Variants in ARHGEF26 observed in about 807,000 individuals in gnomAD.
ARHGEF26 encodes Rho guanine nucleotide exchange factor 26.
A neutral mutation model predicts 89.4 loss-of-function variants in ARHGEF26; 59 were observed. That is an observed-to-expected ratio of 0.66 (90% CI 0.54 to 0.82). ARHGEF26 has a LOEUF of 0.82. Among genes scored for constraint, ARHGEF26 ranks in the 40% least tolerant of loss-of-function variants. The pLI is 0.00. For missense variants in ARHGEF26, 1,234 were observed against 1,085.6 expected, an observed-to-expected ratio of 1.14 and a Z score of -1.92; for synonymous variants, 500 against 428.4, an observed-to-expected ratio of 1.17 and a Z score of -2.06.
intron 9 of ARHGEF26, among the ~76,000 whole-genome samples, chr3:154,196,048 A>G (rs1714269841): frequency 6.6e-6 from 1 of 151,230 alleles, no homozygotes; most frequent in Non-Finnish European, 1.5e-5. Flanking sequence ...ATAAAGTGGG[A>G]TAATGATTGA....
intron 11 of ARHGEF26, among the ~76,000 whole-genome samples, chr3:154,230,636 C>T (rs1278089570): frequency 6.6e-6 from 1 of 152,144 alleles, no homozygotes; most frequent in African/African-American, 2.4e-5. Flanking sequence ...AATCTAGCAT[C>T]AGAATCTGGG....
chr3:154,256,575 A>AAAAATT lies in ARHGEF26; in HGVS notation c.*1102_*1103insAAAATT. 3.8e-6 allele frequency: 3 copies of AAAAATT among 794,510 alleles called. No individual in the cohort carries two copies. Among genetic ancestry groups the AAAAATT allele is most frequent in the African/African-American group, 2.3e-5 (1 of 42,776 alleles). 49.2% of individuals were successfully genotyped at this position (794,510 alleles called of 1,614,324 possible). On this transcript the variant is annotated 3_prime_UTR_variant, in exon 15 of 15. Coordinates refer to ENST00000465093, the MANE Select transcript of ARHGEF26 (RefSeq NM_015595.4). Reference sequence around the variant, plus strand: ...AAAAAAAAAAAAAAAAAAAAAAAAAACCTTCCCAAATGAGCTGATAAAAAA... The same window carrying AAAAATT: ...AAAAAAAAAAAAAAAAAAAAAAAAAAAAAATTCCTTCCCAAATGAGCTGATAAAAAA...
intron 4 of ARHGEF26, among the ~76,000 whole-genome samples, chr3:154,140,684 G>C (rs921316): frequency 0.42 from 63,038 of 149,784 alleles, 14,365 homozygotes; most frequent in Non-Finnish European, 0.51. Flanking sequence ...TCCCATAAGC[G>C]ATTCTTCTGC....
At chr3:154,244,668 T>C (rs1163550131) in intron 12 of ARHGEF26, among the ~76,000 whole-genome samples, 2 of 151,820 alleles carry the variant, frequency 1.3e-5, no homozygotes, top group African/African-American at 4.8e-5. Flanking sequence ...TAATATTACA[T>C]AAAACAAAAT....
chr3:154,177,939 A>G lies in ARHGEF26; in HGVS notation c.1488-9746A>G, dbSNP rs570385312. ...CTTTATTGGCCAGGTACAGTGGCTC[A>G]CACCTGTAACAATCCCAGCACTTTG... is the stretch of plus-strand genomic sequence containing the variant. On this transcript the variant is annotated intron_variant, in intron 6 of 14. Transcript: ENST00000465093. Among the ~76,000 whole-genome samples, 8 of 152,280 alleles carry G rather than the reference A, an allele frequency of 5.3e-5. No homozygotes were observed. The South Asian group carries it at 1.7e-3, about 32-fold the overall frequency.
intron 4 of ARHGEF26, among the ~76,000 whole-genome samples, chr3:154,139,079 G>A (rs1323866876): frequency 2.6e-5 from 4 of 152,196 alleles, no homozygotes; most frequent in African/African-American, 7.2e-5. Context: ...GGTCCAGGAC[G>A]ATAGCTGGTG....
intron 9 of ARHGEF26, among the ~76,000 whole-genome samples, chr3:154,201,757 A>G (rs998921139): frequency 6.6e-6 from 1 of 152,210 alleles, no homozygotes; most frequent in Non-Finnish European, 1.5e-5. Context: ...ATAGCCAGTG[A>G]TGATGAGCAT....
At chr3:154,165,961 G>A (rs1028131120) in intron 6 of ARHGEF26, among the ~76,000 whole-genome samples, 1 of 152,128 alleles carries the variant, frequency 6.6e-6, no homozygotes, top group African/African-American at 2.4e-5. Context: ...TTAAATCAGG[G>A]TCTGGATGTA....
rs2108310189 is a variant in ARHGEF26 at position 154,255,875 on chromosome 3, C to T, written c.*402C>T. On this transcript the variant is annotated 3_prime_UTR_variant, in exon 15 of 15. Coordinates refer to ENST00000465093, the MANE Select transcript of ARHGEF26 (RefSeq NM_015595.4). The stretch of plus-strand genomic sequence containing the variant: ...CCTTGTATGGTTCTCCCAGTATTAG[C>T]AAGATTGTATATCTGTAAAGAATGT... 8 of 996,838 alleles carry T rather than the reference C, an allele frequency of 8.0e-6. No individual in the cohort carries two copies. The South Asian group carries it at 3.2e-4, about 40-fold the overall frequency. 61.7% of individuals were successfully genotyped at this position (996,838 alleles called of 1,614,324 possible).
At chr3:154,140,287 G>T (rs934772025) in intron 4 of ARHGEF26, among the ~76,000 whole-genome samples, 1 of 152,188 alleles carries the variant, frequency 6.6e-6, no homozygotes, top group Non-Finnish European at 1.5e-5. Context: ...ACAATGCCAC[G>T]AGGGTAAGTA....
chr3:154,159,716 G>A (rs1246529971), intron 6 of ARHGEF26, among the ~76,000 whole-genome samples: 1 of 151,940 alleles, frequency 6.6e-6, no homozygotes, highest in Non-Finnish European at 1.5e-5. Flanking sequence ...TATGAAATAC[G>A]TTTCTATTTG....
At chr3:154,171,356 A>C (rs1294252793) in intron 6 of ARHGEF26, among the ~76,000 whole-genome samples, 3 of 152,230 alleles carry the variant, frequency 2.0e-5, no homozygotes, top group East Asian at 3.8e-4. Flanking sequence ...TGATGAAGCT[A>C]CATTGACACA....
chr3:154,252,821 TATA>T (rs1374061897), intron 12 of ARHGEF26, among the ~76,000 whole-genome samples: 1 of 152,208 alleles, frequency 6.6e-6, no homozygotes, highest in African/African-American at 2.4e-5. Flanking sequence ...CTTTTGGAGT[TATA>T]ATGTGTTCGT....
At chr3:154,157,685 C>CG (rs71624546) in intron 6 of ARHGEF26, among the ~76,000 whole-genome samples, 2 of 151,658 alleles carry the variant, frequency 1.3e-5, no homozygotes, top group African/African-American at 4.8e-5. Context: ...GCTGAAAAGG[C>CG]GGGGTCCTCC....
intron 9 of ARHGEF26, among the ~76,000 whole-genome samples, chr3:154,201,665 G>C (rs1219870936): frequency 1.1e-4 from 17 of 150,652 alleles, no homozygotes; most frequent in Non-Finnish European, 1.5e-4. Context: ...TCCAGCACCT[G>C]TTGTTTCCTG....
At chr3:154,226,650 G>A (rs1267374301) in intron 11 of ARHGEF26, among the ~76,000 whole-genome samples, 1 of 115,688 alleles carries the variant, frequency 8.6e-6, no homozygotes, top group African/African-American at 3.4e-5. Flanking sequence ...CTGTCAGACT[G>A]TTTCTGTTCT....
At position 154,122,590 on chromosome 3, in the gene ARHGEF26, C is replaced by CG; in HGVS notation, c.603dup (p.Leu202AlafsTer59). The CG allele has an allele frequency of 6.2e-7, 1 of 1,613,642 alleles. No individual in the cohort carries two copies. Among genetic ancestry groups the CG allele is most frequent in the Non-Finnish European group, 8.5e-7 (1 of 1,179,872 alleles). On this transcript the variant is annotated frameshift_variant, in exon 2 of 15. Transcript: ENST00000465093. LOFTEE classifies it high-confidence loss of function. ...CGGCCGGAAGGCAAAGGACCCCGAA[C>CG]GGGGGCTCTTTCCTGGGCCCCAGAA...
rs151191757 is a variant in ARHGEF26 at position 154,126,167 on chromosome 3, G to C, written c.1123+1718G>C. Among the ~76,000 whole-genome samples, 80 of 152,270 alleles carry C rather than the reference G, an allele frequency of 5.3e-4. 1 individual carries two copies. In the East Asian group the frequency reaches 0.013, roughly 24 times the overall value. ...TCTGCTTTACATAGCATGACAATCA[G>C]AGACCAGTAAAATCTTGAATAGACT... On this transcript the variant is annotated intron_variant, in intron 3 of 14. Coordinates refer to ENST00000465093, the MANE Select transcript of ARHGEF26 (RefSeq NM_015595.4).
In ARHGEF26 at chr3:154,169,148, C is replaced by T. The variant is rs377181961; in HGVS notation, c.1487+16216C>T. On this transcript the variant is annotated intron_variant, in intron 6 of 14. Coordinates refer to ENST00000465093, the MANE Select transcript of ARHGEF26 (RefSeq NM_015595.4). ...CCTTACCCACAGTCACCCAAGCACT[C>T]GGAGTCTCAATGGGGGCCTGCACTC... Among the ~76,000 whole-genome samples, 5 of 152,182 alleles carry T rather than the reference C, an allele frequency of 3.3e-5. No homozygotes were observed. The South Asian group carries it at 1.0e-3, about 32-fold the overall frequency.
Sources: allele counts gnomAD v4.1 joint callset (sites outside exome capture counted in the v4.1 genomes callset), GRCh38; gene constraint gnomAD v4.1.1; transcripts MANE v1.5; gene names NCBI Gene and HGNC (gene_info 2026-07-23, HGNC 2026-07-21).